PI4KA: variants seen among roughly 807,000 people sequenced by gnomAD.
PI4KA encodes phosphatidylinositol 4-kinase alpha.
Under a neutral mutation model 271.4 loss-of-function variants are expected in PI4KA, and 122 were observed. The ratio of observed to expected loss-of-function variants is 0.45; its 90% confidence interval spans 0.39 to 0.52. PI4KA has a LOEUF of 0.52. Among genes scored for constraint, PI4KA ranks in the 20% least tolerant of loss-of-function variants. The pLI, the probability that PI4KA is intolerant of heterozygous loss-of-function variation, is 0.00. For missense variants in PI4KA, 1,969 were observed against 2,769.1 expected, an observed-to-expected ratio of 0.71 and a Z score of 6.48; for synonymous variants, 1,041 against 1,078.8, an observed-to-expected ratio of 0.96 and a Z score of 0.69.
At chr22:20,779,097 A>G in intron 19 of PI4KA, 1 of 1,229,978 alleles carries the variant, frequency 8.1e-7, no homozygotes, top group Non-Finnish European at 1.1e-6. Flanking sequence ...TCCTTCATTG[A>G]GGTTTATGAG....
chr22:20,784,954 C>T (rs5751939), intron 19 of PI4KA, among the ~76,000 whole-genome samples: 10,546 of 152,134 alleles, frequency 0.069, 357 homozygotes, highest in East Asian at 0.079. Flanking sequence ...AAGGTATTTG[C>T]CCGGGTAGCC....
chr22:20,801,456 G>T lies in PI4KA; in HGVS notation c.1724+517C>A, dbSNP rs370747787. 1.1e-4 allele frequency among the ~76,000 whole-genome samples: 16 copies of T among 151,888 alleles called. No homozygotes were observed. The South Asian group carries it at 2.9e-3, about 28-fold the overall frequency. On this transcript the variant is annotated intron_variant, in intron 14 of 54. Coordinates refer to ENST00000255882, the MANE Select transcript of PI4KA (RefSeq NM_058004.4). The stretch of plus-strand genomic sequence containing the variant: ...AAAAATTAGCCAAGAATGGTGGTGT[G>T]TGCCTGTAATCCCAGCTACCTGGGA...
intron 23 of PI4KA, among the ~76,000 whole-genome samples, chr22:20,755,712 G>C (rs1361582296): frequency 6.6e-6 from 1 of 151,702 alleles, no homozygotes; most frequent in African/African-American, 2.4e-5. Flanking sequence ...TGGGGCATGA[G>C]AATCACTTGA....
At chr22:20,806,906 G>A (rs1380273910) in intron 10 of PI4KA, among the ~76,000 whole-genome samples, 2 of 151,728 alleles carry the variant, frequency 1.3e-5, no homozygotes, top group African/African-American at 4.8e-5. Context: ...AATTTCTTTT[G>A]TATTTTTAGT....
At chr22:20,742,938 GCTTT>G (rs1198591935) in intron 30 of PI4KA, 174 bp from the exon 31 acceptor site, 1 of 578,478 alleles carries the variant, frequency 1.7e-6, no homozygotes, top group Non-Finnish European at 3.1e-6. Context: ...ACTGATCACA[GCTTT>G]TTTTTTTTTT....
chr22:20,787,102 C>T (rs1243729537), intron 19 of PI4KA: 4 of 1,572,208 alleles, frequency 2.5e-6, no homozygotes, highest in Non-Finnish European at 3.5e-6. Context: ...GCCTTGGGGG[C>T]ACCCTCATTT....
chr22:20,814,565 T>C (rs993545662), intron 7 of PI4KA, among the ~76,000 whole-genome samples: 4 of 147,912 alleles, frequency 2.7e-5, no homozygotes, highest in African/African-American at 1.0e-4. Flanking sequence ...GCCTGGGCAA[T>C]ATAGGGAGAT....
At chr22:20,745,730 C>CA (rs750484101) in intron 29 of PI4KA, among the ~76,000 whole-genome samples, 2 of 152,118 alleles carry the variant, frequency 1.3e-5, no homozygotes, top group Non-Finnish European at 2.9e-5. Context: ...CTTGGGAAGT[C>CA]AATGTCTCTG....
At chr22:20,730,131 T>A in intron 36 of PI4KA, 120 bp from the exon 37 acceptor site, 4 of 1,120,566 alleles carry the variant, frequency 3.6e-6, no homozygotes, top group Non-Finnish European at 5.1e-6. Flanking sequence ...TTTTCTGGAG[T>A]CCTGGAATCG....
intron 23 of PI4KA, among the ~76,000 whole-genome samples, chr22:20,758,584 A>G (rs1201230551): frequency 6.6e-6 from 1 of 150,538 alleles, no homozygotes; most frequent in Non-Finnish European, 1.5e-5. Context: ...CCCCTGGTCT[A>G]GCACAAAACT....
chr22:20,824,227 C>A, intron 4 of PI4KA, 99 bp downstream of exon 4: 1 of 796,290 alleles, frequency 1.3e-6, no homozygotes, highest in South Asian at 1.4e-5. Context: ...TATCAACAAA[C>A]AATTCAATCA....
At chr22:20,777,216 TTTC>T (rs939167406) in intron 19 of PI4KA, among the ~76,000 whole-genome samples, 1 of 151,316 alleles carries the variant, frequency 6.6e-6, no homozygotes, top group Non-Finnish European at 1.5e-5. Flanking sequence ...TTATTTTTCT[TTTC>T]TTTTTTTTTT....
intron 19 of PI4KA, among the ~76,000 whole-genome samples, chr22:20,788,314 G>A (rs1157317540): frequency 6.6e-6 from 1 of 152,160 alleles, no homozygotes; most frequent in East Asian, 1.9e-4. Flanking sequence ...TCCTGTCACA[G>A]GCTTCTGACC....
At chr22:20,847,719 T>G (rs971412699) in intron 1 of PI4KA, among the ~76,000 whole-genome samples, 1 of 150,348 alleles carries the variant, frequency 6.7e-6, no homozygotes. Flanking sequence ...TGCATACCAC[T>G]GCTCTCCAGC....
intron 19 of PI4KA, among the ~76,000 whole-genome samples, chr22:20,790,734 ACACACAC>A (rs752900847): frequency 1.5e-4 from 22 of 151,318 alleles, no homozygotes; most frequent in Non-Finnish European, 2.1e-4. Context: ...ACACACACAC[ACACACAC>A]AACAAAAAAA....
intron 1 of PI4KA, among the ~76,000 whole-genome samples, chr22:20,846,850 A>AG (rs1926324908): frequency 6.7e-6 from 1 of 148,682 alleles, no homozygotes; most frequent in Non-Finnish European, 1.5e-5. Flanking sequence ...AAAAAAAAAA[A>AG]AAAAAAAGGG....
chr22:20,729,020 T>C (rs1015013957), intron 39 of PI4KA, among the ~76,000 whole-genome samples: 1 of 152,154 alleles, frequency 6.6e-6, no homozygotes, highest in Non-Finnish European at 1.5e-5. Flanking sequence ...CTCCACATGC[T>C]TCCTATCCGG....
At chr22:20,719,161 G>C (rs975577590) in intron 43 of PI4KA, among the ~76,000 whole-genome samples, 2 of 151,932 alleles carry the variant, frequency 1.3e-5, no homozygotes, top group African/African-American at 4.8e-5. Context: ...GCACACGCAG[G>C]GAGAAAAAAG....
At chr22:20,814,258 T>G (rs545443584) in intron 7 of PI4KA, among the ~76,000 whole-genome samples, 1 of 152,148 alleles carries the variant, frequency 6.6e-6, no homozygotes, top group South Asian at 2.1e-4. Context: ...AGACAAATAC[T>G]GTACGATCCC....
Sources: gnomAD v4.1 joint callset for allele counts (sites outside exome capture counted in the v4.1 genomes callset) on GRCh38, gnomAD v4.1.1 for gene constraint, MANE v1.5 for transcripts, NCBI Gene and HGNC (gene_info 2026-07-23, HGNC 2026-07-21) for gene names.